Variants in CNTN6 observed in about 807,000 individuals in gnomAD.
CNTN6 encodes the protein contactin-6.
A neutral mutation model predicts 122.8 loss-of-function variants in CNTN6; 137 were observed. The observed-to-expected ratio is 1.12, with a 90% CI of 0.97 to 1.29. The LOEUF (loss-of-function observed/expected upper bound fraction) is 1.29, where lower values mean the gene tolerates loss of function less well. Among genes scored for constraint, CNTN6 ranks in the 50% most tolerant of loss-of-function variants. The pLI, the probability that CNTN6 is intolerant of heterozygous loss-of-function variation, is 0.00. For synonymous variants in CNTN6, 570 were observed against 426.0 expected (o/e 1.34, Z -4.16); for missense variants, 1,634 against 1,223.4 (o/e 1.34, Z -5.01).
At chr3:1,153,803 C>T (rs17034399) in intron 2 of CNTN6, among the ~76,000 whole-genome samples, 15 of 152,198 alleles carry the variant, frequency 9.9e-5, no homozygotes, top group African/African-American at 2.9e-4. Context: ...TCAAAGACAA[C>T]GATGTATCAC....
intron 1 of CNTN6, among the ~76,000 whole-genome samples, chr3:1,120,943 A>C (rs948613597): frequency 2.8e-5 from 4 of 145,042 alleles, no homozygotes; most frequent in African/African-American, 1.0e-4. Context: ...GGTAGAGTAC[A>C]TAAAGTCTTC....
intron 2 of CNTN6, among the ~76,000 whole-genome samples, chr3:1,172,294 T>C (rs7631436): frequency 0.52 from 78,783 of 152,056 alleles, 20,968 homozygotes; most frequent in East Asian, 0.77. Context: ...CTGCAGATGC[T>C]ACTGGTGATA....
At chr3:1,400,776 C>T (rs1475323361) in intron 20 of CNTN6, among the ~76,000 whole-genome samples, 4 of 151,982 alleles carry the variant, frequency 2.6e-5, no homozygotes, top group Admixed American at 6.6e-5. Flanking sequence ...TGATTTCTGC[C>T]GTGTGCAGTG....
At chr3:1,151,084 G>C (rs924881178) in intron 2 of CNTN6, among the ~76,000 whole-genome samples, 2 of 152,022 alleles carry the variant, frequency 1.3e-5, no homozygotes, top group Non-Finnish European at 2.9e-5. Flanking sequence ...ATCCCATTTT[G>C]GACTTCTGAC....
At chr3:1,173,431 C>T in intron 2 of CNTN6, 1 of 372,146 alleles carries the variant, frequency 2.7e-6, no homozygotes, top group Non-Finnish European at 5.3e-6. Flanking sequence ...TCAGAAAATC[C>T]TCTAAAGGAC....
At chr3:1,223,850 T>G (rs1379267795) in intron 3 of CNTN6, among the ~76,000 whole-genome samples, 1 of 152,184 alleles carries the variant, frequency 6.6e-6, no homozygotes, top group East Asian at 1.9e-4. Flanking sequence ...TAGTAGTGAC[T>G]CTGCCCTTCT....
chr3:1,324,299 C>T (rs1312161814), intron 8 of CNTN6, among the ~76,000 whole-genome samples: 1 of 134,924 alleles, frequency 7.4e-6, no homozygotes, highest in Non-Finnish European at 1.6e-5. Context: ...AGTAGAAAAA[C>T]TCTAGAAGTC....
chr3:1,290,088 G>A (rs951073798), intron 5 of CNTN6, among the ~76,000 whole-genome samples: 4 of 152,188 alleles, frequency 2.6e-5, no homozygotes, highest in Non-Finnish European at 5.9e-5. Flanking sequence ...CAGACTTACT[G>A]AATCACAGAG....
chr3:1,349,811 A>AT (rs977750781), intron 11 of CNTN6, among the ~76,000 whole-genome samples: 15 of 151,810 alleles, frequency 9.9e-5, no homozygotes, highest in African/African-American at 1.7e-4. Context: ...CATGAGATTA[A>AT]TTTTTTTACC....
At chr3:1,145,154 C>G (rs1381797998) in intron 1 of CNTN6, among the ~76,000 whole-genome samples, 4 of 152,170 alleles carry the variant, frequency 2.6e-5, no homozygotes, top group African/African-American at 9.7e-5. Context: ...TAGCTGCAAA[C>G]TTTCGTCAAG....
intron 11 of CNTN6, among the ~76,000 whole-genome samples, chr3:1,348,889 A>G (rs373986286): frequency 5.9e-5 from 9 of 152,014 alleles, no homozygotes; most frequent in African/African-American, 1.7e-4. Flanking sequence ...CACTTACTAG[A>G]GGGCCTGTGC....
At chr3:1,253,161 CA>C (rs2094698003) in intron 4 of CNTN6, among the ~76,000 whole-genome samples, 1 of 152,190 alleles carries the variant, frequency 6.6e-6, no homozygotes, top group Non-Finnish European at 1.5e-5. Context: ...TAGTTTTCAT[CA>C]GAGGACTTGT....
chr3:1,140,762 T>G (rs552663717), intron 1 of CNTN6, among the ~76,000 whole-genome samples: 1 of 152,328 alleles, frequency 6.6e-6, no homozygotes, highest in Non-Finnish European at 1.5e-5. Flanking sequence ...TATTTGCATT[T>G]ATTTCATGCT....
chr3:1,353,747 G>A (rs936959043), intron 12 of CNTN6, among the ~76,000 whole-genome samples: 2 of 151,566 alleles, frequency 1.3e-5, no homozygotes, highest in Non-Finnish European at 3.0e-5. Flanking sequence ...AATTAAGAAG[G>A]TGTAGGTAGT....
chr3:1,277,044 T>C (rs1214381683), intron 4 of CNTN6, among the ~76,000 whole-genome samples: 1 of 152,202 alleles, frequency 6.6e-6, no homozygotes, highest in Non-Finnish European at 1.5e-5. Context: ...TCATTCATCA[T>C]TTTTGCTTGC....
chr3:1,315,886 C>T (rs1700035202), intron 7 of CNTN6, among the ~76,000 whole-genome samples: 1 of 151,804 alleles, frequency 6.6e-6, no homozygotes, highest in Non-Finnish European at 1.5e-5. Flanking sequence ...CTTGTGTAGC[C>T]GTTTCATTCA....
intron 2 of CNTN6, among the ~76,000 whole-genome samples, chr3:1,198,065 G>T (rs1368272795): frequency 2.6e-5 from 4 of 152,082 alleles, no homozygotes; most frequent in Admixed American, 2.6e-4. Flanking sequence ...GAGTTCAGGC[G>T]AGCATTCTAA....
chr3:1,301,024 CTTT>C (rs562912841), intron 7 of CNTN6, among the ~76,000 whole-genome samples: 3 of 93,274 alleles, frequency 3.2e-5, no homozygotes, highest in African/African-American at 4.3e-5. Context: ...AGTCCCTAAA[CTTT>C]TTTTTTTTTT....
chr3:1,336,034 AG>A (rs1342230180), intron 11 of CNTN6, among the ~76,000 whole-genome samples: 2 of 145,190 alleles, frequency 1.4e-5, no homozygotes, highest in Non-Finnish European at 3.0e-5. Context: ...TGGGTAACAG[AG>A]GGAGACCCTG....
Sources: allele counts gnomAD v4.1 joint callset (sites outside exome capture counted in the v4.1 genomes callset), GRCh38; gene constraint gnomAD v4.1.1; transcripts MANE v1.5; gene names NCBI Gene and HGNC (gene_info 2026-07-23, HGNC 2026-07-21).